Variants in ATL1 observed in about 807,000 individuals in gnomAD.
ATL1 encodes the protein atlastin-1.
Under a neutral mutation model 75.5 loss-of-function variants are expected in ATL1, and 31 were observed. The ratio of observed to expected loss-of-function variants is 0.41; its 90% CI spans 0.31 to 0.55. The LOEUF (loss-of-function observed/expected upper bound fraction) is 0.55, where lower values mean the gene tolerates loss of function less well. ATL1 is among the 20% of genes least tolerant of loss of function. The pLI, the probability that ATL1 is intolerant of heterozygous loss-of-function variation, is 0.27. For missense variants in ATL1, 405 were observed against 662.6 expected, an observed-to-expected ratio of 0.61 and a Z score of 4.27; for synonymous variants, 226 against 233.3, an observed-to-expected ratio of 0.97 and a Z score of 0.28.
At chr14:50,627,889 A>G in intron 11 of ATL1, 142 bp from the exon 12 acceptor site, 1 of 755,580 alleles carries the variant, frequency 1.3e-6, no homozygotes, top group South Asian at 1.6e-5. Flanking sequence ...GGGGGTGGAA[A>G]GATGTGGGCT....
At position 50,549,318 on chromosome 14, in the gene ATL1, G is replaced by A. The variant is rs566222320; in HGVS notation, c.-139-10809G>A. Reference sequence around the variant, plus strand: ...AAGAGCAGCCACAGGGTGGGCCACAGCAAAGGCAGCAGGCATCTCCATCCT... The same window carrying A: ...AAGAGCAGCCACAGGGTGGGCCACAACAAAGGCAGCAGGCATCTCCATCCT... On this transcript the variant is annotated intron_variant, in intron 1 of 13. Transcript: ENST00000441560. Among the ~76,000 whole-genome samples, 4 of 152,326 alleles carry A rather than the reference G, an allele frequency of 2.6e-5. No individual in the cohort carries two copies. The South Asian group carries it at 6.2e-4, about 24-fold the overall frequency.
chr14:50,567,107 T>C (rs936076582), intron 1 of ATL1, among the ~76,000 whole-genome samples: 2 of 152,222 alleles, frequency 1.3e-5, no homozygotes, highest in African/African-American at 4.8e-5. Context: ...TGAAACTCTG[T>C]GCCCATTAAA....
Position 50,542,346 on chromosome 14 carries a change from G to A in ATL1, c.-140+8979G>A, listed in dbSNP as rs1195377756. Reference sequence around the variant, plus strand: ...ACTAGGACAAATACCTAATGCATACGGGACTTAAAACCTAAATGACAGGTT... The same window carrying A: ...ACTAGGACAAATACCTAATGCATACAGGACTTAAAACCTAAATGACAGGTT... On this transcript the variant is annotated intron_variant, in intron 1 of 13. Transcript: ENST00000441560. Among the ~76,000 whole-genome samples, 7 of 152,010 alleles carry A rather than the reference G, an allele frequency of 4.6e-5. No homozygotes were observed. The East Asian group carries it at 1.4e-3, about 29-fold the overall frequency.
At chr14:50,540,597 C>T (rs1053137608) in intron 1 of ATL1, among the ~76,000 whole-genome samples, 12 of 152,146 alleles carry the variant, frequency 7.9e-5, no homozygotes. Context: ...TTGATATTAG[C>T]TCTAAATAAT....
At chr14:50,600,015 C>A (rs544338447) in intron 6 of ATL1, among the ~76,000 whole-genome samples, 3 of 149,778 alleles carry the variant, frequency 2.0e-5, no homozygotes, top group African/African-American at 7.3e-5. Flanking sequence ...TTAGGTTGAT[C>A]GTTGAAGTGC....
intron 1 of ATL1, 126 bp from the exon 2 acceptor site, chr14:50,587,705 A>G: frequency 7.5e-7 from 1 of 1,330,566 alleles, no homozygotes. Flanking sequence ...CACTGCACCC[A>G]GCATAAAATG....
intron 1 of ATL1, among the ~76,000 whole-genome samples, chr14:50,582,705 T>A (rs1323953313): frequency 6.6e-6 from 1 of 151,740 alleles, no homozygotes; most frequent in African/African-American, 2.4e-5. Context: ...GGATTACAAG[T>A]GTAAGCCACC....
intron 1 of ATL1, among the ~76,000 whole-genome samples, chr14:50,544,068 G>A (rs983304173): frequency 5.3e-5 from 8 of 152,334 alleles, no homozygotes; most frequent in Admixed American, 3.3e-4. Flanking sequence ...AAGGAAACAA[G>A]GAAGACTATG....
intron 10 of ATL1, among the ~76,000 whole-genome samples, chr14:50,622,297 G>A (rs1158386880): frequency 6.6e-6 from 1 of 152,232 alleles, no homozygotes; most frequent in Non-Finnish European, 1.5e-5. Context: ...AGGAGGCTGA[G>A]GCAGGAGGAT....
intron 8 of ATL1, among the ~76,000 whole-genome samples, chr14:50,615,034 T>A (rs2039401724): frequency 6.6e-6 from 1 of 152,128 alleles, no homozygotes; most frequent in Non-Finnish European, 1.5e-5. Flanking sequence ...TTTCAAATAG[T>A]GTATACTTAT....
chr14:50,572,085 AGT>A (rs2038959909), intron 1 of ATL1: 1 of 528,504 alleles, frequency 1.9e-6, no homozygotes, highest in Non-Finnish European at 3.6e-6. Flanking sequence ...ATTTAATTTC[AGT>A]TATAACTTCT....
At chr14:50,567,555 G>C (rs865882749) in intron 1 of ATL1, among the ~76,000 whole-genome samples, 1 of 152,098 alleles carries the variant, frequency 6.6e-6, no homozygotes, top group East Asian at 1.9e-4. Flanking sequence ...TTTCCACAGA[G>C]GTTGTACCAT....
At chr14:50,573,038 C>T (rs1338981488) in intron 1 of ATL1, among the ~76,000 whole-genome samples, 7 of 152,116 alleles carry the variant, frequency 4.6e-5, no homozygotes, top group African/African-American at 1.4e-4. Context: ...ACCATCAGAT[C>T]TCATGAGAAC....
intron 6 of ATL1, among the ~76,000 whole-genome samples, chr14:50,608,803 T>C (rs1275146783): frequency 6.6e-6 from 1 of 152,002 alleles, no homozygotes; most frequent in Non-Finnish European, 1.5e-5. Context: ...AACATCTATT[T>C]TCAAAATACA....
At chr14:50,582,046 C>T (rs559617537) in intron 1 of ATL1, among the ~76,000 whole-genome samples, 4 of 151,978 alleles carry the variant, frequency 2.6e-5, no homozygotes, top group East Asian at 1.9e-4. Flanking sequence ...TTTGGGAGGC[C>T]GAGGCGGGCG....
chr14:50,615,098 G>A (rs2039402417), intron 8 of ATL1, among the ~76,000 whole-genome samples: 1 of 152,128 alleles, frequency 6.6e-6, no homozygotes, highest in Non-Finnish European at 1.5e-5. Flanking sequence ...TTCCAAAGCA[G>A]CTTGACTTGT....
chr14:50,623,170 T>C lies in ATL1; in HGVS notation c.1048-7T>C, dbSNP rs1305101011. 1.2e-6 allele frequency: 2 copies of C among 1,612,974 alleles called. No individual in the cohort carries two copies. The highest frequency in any genetic ancestry group is 1.7e-6 in the Non-Finnish European group (2 of 1,179,492). Reference sequence around the variant, plus strand: ...ATTTTACATCATATTTTGTACTTTGTCCAAAGGCCACAGCAGAAGCTAACA... The same window carrying C: ...ATTTTACATCATATTTTGTACTTTGCCCAAAGGCCACAGCAGAAGCTAACA... On this transcript the variant is annotated splice_polypyrimidine_tract_variant and splice_region_variant and intron_variant, in intron 10 of 13. Transcript: ENST00000358385.
chr14:50,620,512 T>A, intron 8 of ATL1, 87 bp from the exon 9 acceptor site: 3 of 1,395,328 alleles, frequency 2.2e-6, no homozygotes, highest in Non-Finnish European at 3.0e-6. Flanking sequence ...GGGGAGGAAA[T>A]GGGGGAGATC....
chr14:50,628,266 T>C lies in ATL1; in HGVS notation c.1355T>C (p.Phe452Ser), dbSNP rs759126910. ...GCAGCTCGTACCCCAGCCACACTGT[T>C]TGTAGTCATCTTTATCACATATGTG... ...FHAARTPATL[F>S]VVIFITYVIA... The change falls in exon 12 of 14, where the codon TTT (phenylalanine) becomes TCT (serine). Residue 452 changes from phenylalanine (F) to serine (S), a missense_variant. By Grantham distance (155) the Phe-to-Ser change is radical. Transcript: ENST00000358385. 44 of 1,614,020 alleles carry C rather than the reference T, an allele frequency of 2.7e-5. No homozygotes were observed. The highest frequency in any genetic ancestry group is 1.3e-4 in the East Asian group (6 of 44,898).
Sources: gnomAD v4.1 joint callset for allele counts (sites outside exome capture counted in the v4.1 genomes callset) on GRCh38, gnomAD v4.1.1 for gene constraint, MANE v1.5 for transcripts, NCBI Gene and HGNC (gene_info 2026-07-23, HGNC 2026-07-21) for gene names.